Variants in REPS2 observed in about 807,000 individuals in gnomAD.
REPS2 encodes ralBP1-associated Eps domain-containing protein 2.
Under a neutral mutation model 53.6 loss-of-function variants are expected in REPS2, and 23 were observed. That is an observed-to-expected ratio of 0.43 (90% CI 0.31 to 0.61). The LOEUF (loss-of-function observed/expected upper bound fraction) is 0.61. Among genes scored for constraint, REPS2 ranks in the 20% least tolerant of loss-of-function variants. REPS2 has a pLI of 0.11. For missense variants in REPS2, 446 were observed against 534.9 expected (o/e 0.83, Z 1.64); for synonymous variants, 238 against 218.6 (o/e 1.09, Z -0.78).
intron 1 of REPS2, among the ~76,000 whole-genome samples, chrX:16,949,808 CG>C (rs1301232728): frequency 9.0e-6 from 1 of 111,136 alleles, no homozygotes; most frequent in African/African-American, 3.3e-5. Flanking sequence ...CCGACACACC[CG>C]TAGCTTTCCT....
chrX:16,955,763 G>A (rs1013135283), intron 1 of REPS2, among the ~76,000 whole-genome samples: 1 of 111,653 alleles, frequency 9.0e-6, no homozygotes, highest in African/African-American at 3.3e-5. Context: ...TGCTCTCAAG[G>A]GGAGGGGATT....
At chrX:17,123,391 T>C (rs1248131784) in intron 14 of REPS2, among the ~76,000 whole-genome samples, 2 of 112,863 alleles carry the variant, frequency 1.8e-5, no homozygotes, top group Non-Finnish European at 3.7e-5. Flanking sequence ...AAAATATTTG[T>C]CTTTTAGACC....
chrX:16,948,226 G>A (rs1166508257), intron 1 of REPS2, among the ~76,000 whole-genome samples: 2 of 112,478 alleles, frequency 1.8e-5, no homozygotes, highest in African/African-American at 6.5e-5. Flanking sequence ...GCTTAAGACT[G>A]CGTTTTATAC....
chrX:17,108,126 A>G (rs781675965), intron 14 of REPS2, among the ~76,000 whole-genome samples: 2 of 109,351 alleles, frequency 1.8e-5, no homozygotes, highest in Non-Finnish European at 3.8e-5. Flanking sequence ...CACTGTTTGT[A>G]TCATTTTAAT....
At chrX:17,120,778 A>G (rs2063131262) in intron 14 of REPS2, among the ~76,000 whole-genome samples, 1 of 112,222 alleles carries the variant, frequency 8.9e-6, no homozygotes, top group Non-Finnish European at 1.9e-5. Context: ...GGCCAAATCC[A>G]GATGGTCACC....
intron 14 of REPS2, among the ~76,000 whole-genome samples, chrX:17,105,695 A>C (rs2148065196): frequency 8.9e-6 from 1 of 112,310 alleles, no homozygotes; most frequent in African/African-American, 3.2e-5. Flanking sequence ...GATTTCAGGA[A>C]CAGGTGTGTA....
At chrX:16,963,922 T>TA (rs2060698247) in intron 1 of REPS2, among the ~76,000 whole-genome samples, 1 of 111,600 alleles carries the variant, frequency 9.0e-6, no homozygotes. Flanking sequence ...ATGTTGCTTT[T>TA]AGTATTGAAC....
At chrX:17,044,273 G>A (rs901530863) in intron 5 of REPS2, 1 of 111,708 alleles carries the variant, frequency 9.0e-6, no homozygotes, top group Admixed American at 9.5e-5. Context: ...GAGCAGGAGG[G>A]AAAGGGCGTG....
At chrX:17,191,832 A>C in the REPS2 span, among the ~76,000 whole-genome samples, 1 of 112,415 alleles carries the variant, frequency 8.9e-6, no homozygotes, top group African/African-American at 3.2e-5. Flanking sequence ...GTAAAACAAC[A>C]GATCAGCACT....
rs1255339210 is a variant in REPS2, at chrX:17,148,677, C to T, written c.*1196C>T. 1.1e-5 allele frequency: 2 copies of T among 183,874 alleles called. No individual in the cohort carries two copies. Among genetic ancestry groups the T allele is most frequent in the Non-Finnish European group, 2.1e-5 (2 of 96,855 alleles). 15.2% of individuals were successfully genotyped at this position (183,874 alleles called of 1,213,427 possible). A position where few individuals can be genotyped will look rare whatever the true frequency, so the allele number is the denominator to read the frequency against. ...AAGCTCAAATTGCAGAAGCCAGTAT[C>T]CTACAGAAATTTAAGTAGCTACTGC... On this transcript the variant is annotated 3_prime_UTR_variant, in exon 18 of 18. Coordinates refer to ENST00000357277, the MANE Select transcript of REPS2 (RefSeq NM_004726.3).
the REPS2 span, among the ~76,000 whole-genome samples, chrX:17,158,980 T>A: frequency 3.2e-4 from 36 of 112,502 alleles, no homozygotes; most frequent in African/African-American, 1.2e-3. Flanking sequence ...TTCCCTTAGA[T>A]GGCAGAACGG....
the REPS2 span, among the ~76,000 whole-genome samples, chrX:17,172,816 AC>A: frequency 2.7e-5 from 3 of 111,656 alleles, no homozygotes; most frequent in African/African-American, 9.8e-5. Flanking sequence ...CCCAGAGATA[AC>A]CACTGTTAAC....
intron 7 of REPS2, 27 bp downstream of exon 7, chrX:17,052,472 T>TTCATACCA (rs1426306937): frequency 4.6e-6 from 5 of 1,084,285 alleles, no homozygotes; most frequent in Non-Finnish European, 6.3e-6. Flanking sequence ...CCATATGACA[T>TTCATACCA]TCATACCATC....
chrX:17,144,325 G>C (rs2063485059), intron 17 of REPS2, among the ~76,000 whole-genome samples: 1 of 112,960 alleles, frequency 8.9e-6, no homozygotes, highest in East Asian at 2.8e-4. Flanking sequence ...ATTCTGCCCT[G>C]GTGGCAGGAA....
At chrX:17,083,410 G>A (rs1169032567) in intron 13 of REPS2, among the ~76,000 whole-genome samples, 4 of 111,282 alleles carry the variant, frequency 3.6e-5, no homozygotes, top group African/African-American at 1.3e-4. Flanking sequence ...GCTCTGATGC[G>A]TTCTTCAGAT....
chrX:16,957,334 C>G (rs1375295731), intron 1 of REPS2, among the ~76,000 whole-genome samples: 2 of 109,675 alleles, frequency 1.8e-5, no homozygotes, highest in Non-Finnish European at 3.8e-5. Flanking sequence ...TGCTTGAATC[C>G]GGGAGGTAGA....
chrX:17,068,591 G>T, intron 10 of REPS2, 120 bp downstream of exon 10: 2 of 482,478 alleles, frequency 4.1e-6, no homozygotes, highest in Non-Finnish European at 7.1e-6. Context: ...AACACATTTG[G>T]ATAGACTAAG....
chrX:17,100,116 G>T, intron 13 of REPS2: 1 of 886,544 alleles, frequency 1.1e-6, no homozygotes, highest in Non-Finnish European at 1.7e-6. Flanking sequence ...TTTCTGTGAC[G>T]GCAGAAACTC....
At chrX:17,069,078 G>A (rs1414848981) in intron 10 of REPS2, among the ~76,000 whole-genome samples, 1 of 111,896 alleles carries the variant, frequency 8.9e-6, no homozygotes, top group Non-Finnish European at 1.9e-5. Flanking sequence ...CCTATACTTT[G>A]TATAGTGCTT....
Sources: allele counts gnomAD v4.1 joint callset (sites outside exome capture counted in the v4.1 genomes callset), GRCh38; gene constraint gnomAD v4.1.1; transcripts MANE v1.5; gene names NCBI Gene and HGNC (gene_info 2026-07-23, HGNC 2026-07-21).